ZNF532: variants seen among roughly 807,000 people sequenced by gnomAD.
ZNF532 encodes the protein zinc finger protein 532.
In ZNF532, 22 loss-of-function variants were observed where a neutral mutation model predicts 89.3. The ratio of observed to expected loss-of-function variants is 0.25; its 90% CI spans 0.18 to 0.35. The LOEUF (loss-of-function observed/expected upper bound fraction) is 0.35. Among genes scored for constraint, ZNF532 ranks in the 10% least tolerant of loss-of-function variants. The pLI is 1.00. For missense variants in ZNF532, 1,132 were observed against 1,643.4 expected (o/e 0.69, Z 5.38); for synonymous variants, 606 against 649.6 (o/e 0.93, Z 1.02).
At chr18:58,909,609 C>T (rs985857387) in intron 2 of ZNF532, among the ~76,000 whole-genome samples, 5 of 151,956 alleles carry the variant, frequency 3.3e-5, no homozygotes, top group Non-Finnish European at 5.9e-5. Context: ...GTGGGGTCCA[C>T]GAGAGGAAAG....
chr18:58,942,637 C>T (rs1043513939), intron 5 of ZNF532, among the ~76,000 whole-genome samples: 3 of 151,796 alleles, frequency 2.0e-5, no homozygotes, highest in African/African-American at 4.8e-5. Context: ...GCAGTGTTCC[C>T]GGAGATAACC....
chr18:58,918,781 C>G lies in ZNF532; in HGVS notation c.494C>G (p.Thr165Arg), dbSNP rs772801429. The change falls in exon 3 of 10, where the codon ACG becomes AGG. Residue 165 changes from threonine to arginine, a missense_variant. Thr to Arg is a moderately conservative substitution (Grantham distance 71). This residue lies in a region of ZNF532 where 302 missense variants were observed against 319.8 expected (regional missense o/e 0.94). Transcript: ENST00000591808. ...TCAAGCTTCAGGTCGAATGTGTTGA[C>G]GGGGTCGGCTCCCCAGCAGGACTAC... ...MRSSFRSNVL[T>R]GSAPQQDYDK... 6.8e-6 allele frequency: 11 copies of G among 1,613,984 alleles called. No individual in the cohort carries two copies. In the African/African-American group the frequency reaches 1.3e-4, roughly 20 times the overall value.
At chr18:58,918,142 T>TA (rs1313974095) in intron 2 of ZNF532, 129 bp from the exon 3 acceptor site, 5 of 799,554 alleles carry the variant, frequency 6.3e-6, no homozygotes, top group East Asian at 2.7e-5. Flanking sequence ...GTTTCGTAGT[T>TA]ACCGTAAATG....
intron 2 of ZNF532, among the ~76,000 whole-genome samples, chr18:58,876,282 G>C (rs1391544627): frequency 6.6e-6 from 1 of 152,148 alleles, no homozygotes; most frequent in African/African-American, 2.4e-5. Context: ...GTAGGGCTGG[G>C]ATGGGCCCAA....
intron 7 of ZNF532, among the ~76,000 whole-genome samples, chr18:58,960,254 T>A (rs1021542058): frequency 1.3e-5 from 2 of 152,202 alleles, no homozygotes; most frequent in Non-Finnish European, 1.5e-5. Context: ...TGCCTTCTGA[T>A]GCCCAGGCTG....
At position 58,919,745 on chromosome 18, in the gene ZNF532, C is replaced by T. The variant is rs1245641177; in HGVS notation, c.1458C>T (p.Val486=). 1 of 1,614,160 alleles carries T rather than the reference C, an allele frequency of 6.2e-7. No homozygotes were observed. The highest frequency in any genetic ancestry group is 1.3e-5 in the African/African-American group (1 of 75,058). ...CCACGGTCATATCTGCTGCCTCTGT[C>T]CAGAGTGCCAGCAGCGCCATCATTA... ...VKATVISAAS[V]QSASSAIIKA... The change falls in exon 3 of 10, where the codon GTC becomes GTT. Residue 486 remains valine (V), a synonymous_variant. Transcript: ENST00000591808. This position sits in a 1 kb window ranked among gnomAD's most constrained non-coding sequence, Gnocchi z 6.1.
intron 6 of ZNF532, chr18:58,953,187 G>T: frequency 5.1e-6 from 1 of 197,080 alleles, no homozygotes; most frequent in Non-Finnish European, 1.0e-5. Context: ...ATGGTTTGTT[G>T]TAGAGAGGCC....
In ZNF532 at chr18:58,918,304, T is replaced by C. The variant is rs778727968; in HGVS notation, c.17T>C (p.Met6Thr). The change falls in exon 3 of 10, where the codon ATG becomes ACG. Residue 6 changes from methionine to threonine, a missense_variant. By Grantham distance (81) the Met-to-Thr change is moderately conservative. This residue lies in a region of ZNF532 where 15 missense variants were observed against 43.6 expected (regional missense o/e 0.34). Transcript: ENST00000591808. MTMGD[M>T]KTPDFDDLLA... ...CTCAAATTAATGACCATGGGGGATATGAAGACCCCAGACTTTGATGACCTC... is the reference window on the plus strand; with the variant it reads ...CTCAAATTAATGACCATGGGGGATACGAAGACCCCAGACTTTGATGACCTC... 1.2e-6 allele frequency: 2 copies of C among 1,613,552 alleles called. No individual in the cohort carries two copies. The highest frequency in any genetic ancestry group is 1.7e-6 in the Non-Finnish European group (2 of 1,179,678).
intron 9 of ZNF532, among the ~76,000 whole-genome samples, chr18:58,983,128 T>C (rs956485493): frequency 3.3e-5 from 5 of 151,734 alleles, no homozygotes; most frequent in African/African-American, 4.8e-5. Flanking sequence ...AAAGAAAGTG[T>C]GTGCAAAGGT....
At chr18:58,884,824 TC>T (rs1250397104) in intron 2 of ZNF532, among the ~76,000 whole-genome samples, 3 of 152,196 alleles carry the variant, frequency 2.0e-5, no homozygotes, top group African/African-American at 7.2e-5. Flanking sequence ...ATAAATTTTT[TC>T]TTGTTTTCTC....
intron 7 of ZNF532, among the ~76,000 whole-genome samples, chr18:58,955,435 C>G (rs572743461): frequency 3.4e-4 from 52 of 152,214 alleles, no homozygotes; most frequent in African/African-American, 1.2e-3. Context: ...TTAACTTAAG[C>G]CAATAGAACA....
intron 2 of ZNF532, among the ~76,000 whole-genome samples, chr18:58,907,502 T>G (rs749608991): frequency 1.4e-4 from 21 of 148,258 alleles, no homozygotes; most frequent in Non-Finnish European, 2.7e-4. Context: ...AAGTTTTTTG[T>G]TTTTTTTTTG....
intron 7 of ZNF532, chr18:58,964,379 TAG>T (rs1185452869): frequency 3.3e-5 from 5 of 152,218 alleles, no homozygotes; most frequent in African/African-American, 1.2e-4. Context: ...GGTTGACTGT[TAG>T]AGAGTGATGG....
intron 2 of ZNF532, among the ~76,000 whole-genome samples, chr18:58,898,244 G>A (rs2059372968): frequency 6.6e-6 from 1 of 152,076 alleles, no homozygotes; most frequent in Non-Finnish European, 1.5e-5. Flanking sequence ...GAATCCTCTT[G>A]CTCACTAGCC....
chr18:58,871,553 G>A (rs1034719601), intron 2 of ZNF532, among the ~76,000 whole-genome samples: 1 of 152,238 alleles, frequency 6.6e-6, no homozygotes, highest in Non-Finnish European at 1.5e-5. Context: ...TGCCTTGGGG[G>A]AGCACAGTTG....
intron 7 of ZNF532, among the ~76,000 whole-genome samples, chr18:58,975,937 A>T (rs2066998122): frequency 1.3e-5 from 2 of 152,202 alleles, no homozygotes; most frequent in South Asian, 4.1e-4. Context: ...AAACGGCCTA[A>T]AGTCTTAGAA....
Position 58,981,691 on chromosome 18 carries a change from A to G in ZNF532, c.3411+74A>G, listed in dbSNP as rs1182995643. On this transcript the variant is annotated intron_variant, in intron 9 of 9. Coordinates refer to ENST00000591808, the MANE Select transcript of ZNF532 (RefSeq NM_001375912.1). The stretch of plus-strand genomic sequence containing the variant: ...TTTTCCCATTCATTTTTTTCCTTTC[A>G]AGTTTTTGTTGCATAGTTACAGTTT... 3 of 1,575,660 alleles carry G rather than the reference A, an allele frequency of 1.9e-6. No homozygotes were observed. In the African/African-American group the frequency reaches 4.1e-5, roughly 21 times the overall value.
chr18:58,983,061 G>A (rs1014313321), intron 9 of ZNF532, among the ~76,000 whole-genome samples: 53 of 152,176 alleles, frequency 3.5e-4, no homozygotes, highest in Admixed American at 3.2e-3. Flanking sequence ...GTAGTGAGCC[G>A]AGATCATGCC....
At chr18:58,887,589 G>A (rs1462884512) in intron 2 of ZNF532, among the ~76,000 whole-genome samples, 1 of 152,192 alleles carries the variant, frequency 6.6e-6, no homozygotes, top group Non-Finnish European at 1.5e-5. Context: ...GGTCTGGTGG[G>A]AGAAGAGGGG....
Sources: allele counts gnomAD v4.1 joint callset (sites outside exome capture counted in the v4.1 genomes callset), GRCh38; gene constraint gnomAD v4.1.1; regional missense constraint gnomAD v4.1.1; non-coding constraint Gnocchi (gnomAD v3.1); transcripts MANE v1.5; gene names NCBI Gene and HGNC (gene_info 2026-07-23, HGNC 2026-07-21).